GRAMD2B: variants seen among roughly 807,000 people sequenced by gnomAD.
The protein encoded by GRAMD2B is GRAM domain-containing protein 2B.
GRAMD2B carries 41 observed loss-of-function variants against 59.2 expected under a neutral mutation model. That is an observed-to-expected ratio of 0.69 (90% confidence interval 0.54 to 0.90). The LOEUF (loss-of-function observed/expected upper bound fraction) is 0.90. Among genes scored for constraint, GRAMD2B ranks in the 40% least tolerant of loss-of-function variants. The pLI, the probability that GRAMD2B is intolerant of heterozygous loss-of-function variation, is 0.00. For synonymous variants in GRAMD2B, 161 were observed against 182.7 expected (o/e 0.88, Z 0.96); for missense variants, 424 against 500.5 (o/e 0.85, Z 1.46).
intron 1 of GRAMD2B, among the ~76,000 whole-genome samples, chr5:126,364,413 ATATC>A (rs1190872782): frequency 2.0e-5 from 3 of 152,238 alleles, no homozygotes; most frequent in African/African-American, 4.8e-5. Context: ...CTCAGAGTAA[ATATC>A]TATCTAATTA....
Position 126,488,845 on chromosome 5 carries a change from G to C in GRAMD2B, c.1210G>C (p.Glu404Gln). 1 of 1,613,892 alleles carries C rather than the reference G, an allele frequency of 6.2e-7. No individual in the cohort carries two copies. Among genetic ancestry groups the C allele is most frequent in the Non-Finnish European group, 8.5e-7 (1 of 1,179,856 alleles). Residue 404 changes from glutamate to glutamine, a missense_variant, in exon 13 of 14, where the codon GAG becomes CAG. Physicochemically the swap from Glu to Gln is conservative, Grantham distance 29. Coordinates refer to ENST00000285689, the MANE Select transcript of GRAMD2B (RefSeq NM_023927.4). ...GAGGTCACAAGTACAATTCAATGTG[G>C]AGGTTCTCTGTCAAGAGCTTACAGC... ...GLRSQVQFNV[E>Q]VLCQELTANI...
At chr5:126,487,651 A>T (rs1452649796) in intron 12 of GRAMD2B, among the ~76,000 whole-genome samples, 1 of 152,242 alleles carries the variant, frequency 6.6e-6, no homozygotes, top group African/African-American at 2.4e-5. Context: ...TATTCACCAC[A>T]TGCTGAAGGC....
At chr5:126,480,335 TC>T in intron 6 of GRAMD2B, 120 bp from the exon 7 acceptor site, 1 of 636,388 alleles carries the variant, frequency 1.6e-6, no homozygotes, top group East Asian at 2.7e-5. Context: ...AGAATATAGA[TC>T]AAAGAGAGGT....
chr5:126,414,864 A>T (rs1759125514), intron 1 of GRAMD2B, among the ~76,000 whole-genome samples: 1 of 152,128 alleles, frequency 6.6e-6, no homozygotes, highest in African/African-American at 2.4e-5. Context: ...GACTTCAATA[A>T]CTACCCTCTC....
At chr5:126,420,154 A>T (rs973725723), upstream of GRAMD2B, among the ~76,000 whole-genome samples, 2 of 152,162 alleles carry the variant, frequency 1.3e-5, no homozygotes, top group African/African-American at 4.8e-5. Context: ...GAAGAAAAAT[A>T]ATGTCTCTTA....
rs183337722 is a variant in GRAMD2B, at chr5:126,406,686, C to A, written c.125+35119C>A. Among the ~76,000 whole-genome samples, 380 of 152,094 alleles carry A rather than the reference C, an allele frequency of 2.5e-3. 1 individual carries two copies. Among genetic ancestry groups the A allele is most frequent in the African/African-American group, 8.2e-3 (340 of 41,526 alleles). On this transcript the variant is annotated intron_variant, in intron 1 of 8. Transcript: ENST00000506445. ...GGAGGTTTAGTAACCCCTGGATACCCAAGGCTTTAAAGAATTGGTTCACTG... is the reference window on the plus strand; with the variant it reads ...GGAGGTTTAGTAACCCCTGGATACCAAAGGCTTTAAAGAATTGGTTCACTG...
At chr5:126,468,035 C>T (rs189477367) in intron 2 of GRAMD2B, among the ~76,000 whole-genome samples, 4 of 152,230 alleles carry the variant, frequency 2.6e-5, no homozygotes, top group East Asian at 3.9e-4. Context: ...TTAACTGAAC[C>T]TCATTTTAAG....
At chr5:126,380,878 T>A (rs1755602427) in intron 1 of GRAMD2B, among the ~76,000 whole-genome samples, 1 of 152,150 alleles carries the variant, frequency 6.6e-6, no homozygotes, top group Non-Finnish European at 1.5e-5. Context: ...TTTACCCATT[T>A]GGATGCTTTT....
At chr5:126,395,358 T>C (rs990779996) in intron 1 of GRAMD2B, among the ~76,000 whole-genome samples, 2 of 152,202 alleles carry the variant, frequency 1.3e-5, no homozygotes, top group Non-Finnish European at 1.5e-5. Flanking sequence ...ATTAAACAAC[T>C]ATGGTCTGAG....
chr5:126,415,403 C>T (rs1759182541), intron 1 of GRAMD2B, among the ~76,000 whole-genome samples: 5 of 152,114 alleles, frequency 3.3e-5, no homozygotes, highest in Non-Finnish European at 7.3e-5. Context: ...TGCAAACTCA[C>T]TTATAGCAAT....
chr5:126,388,762 A>G (rs1756427070), intron 1 of GRAMD2B, among the ~76,000 whole-genome samples: 1 of 151,164 alleles, frequency 6.6e-6, no homozygotes, highest in Non-Finnish European at 1.5e-5. Context: ...TTCTTAAGAG[A>G]AAAAAAACCT....
intron 1 of GRAMD2B, among the ~76,000 whole-genome samples, chr5:126,393,567 G>A (rs1181694089): frequency 6.6e-6 from 1 of 152,238 alleles, no homozygotes; most frequent in East Asian, 1.9e-4. Flanking sequence ...AAGGCATGTG[G>A]AAACCCAACT....
At chr5:126,451,054 T>C (rs2126679171) in intron 1 of GRAMD2B, among the ~76,000 whole-genome samples, 2 of 152,312 alleles carry the variant, frequency 1.3e-5, no homozygotes, top group East Asian at 3.9e-4. Context: ...TGGTAGAGCC[T>C]CTGGCAGCTT....
At chr5:126,483,774 T>C (rs1202658261) in intron 9 of GRAMD2B, 200 bp downstream of exon 9, 6 of 538,058 alleles carry the variant, frequency 1.1e-5, no homozygotes, top group Non-Finnish European at 2.0e-5. Context: ...AAAAATTCAT[T>C]TGCTTTTATG....
At chr5:126,492,372 A>G (rs1216152938) in intron 13 of GRAMD2B, among the ~76,000 whole-genome samples, 1 of 145,576 alleles carries the variant, frequency 6.9e-6, no homozygotes, top group Non-Finnish European at 1.5e-5. Context: ...TGACATTTTC[A>G]TCTTTCTGCC....
chr5:126,381,354 C>T (rs4615294), intron 1 of GRAMD2B, among the ~76,000 whole-genome samples: 139,078 of 152,174 alleles, frequency 0.91, 64,050 homozygotes, highest in East Asian at 1. Flanking sequence ...TATTGGTCTG[C>T]AGTTTTCTTT....
At chr5:126,414,940 C>T (rs6595703) in intron 1 of GRAMD2B, among the ~76,000 whole-genome samples, 118,376 of 152,068 alleles carry the variant, frequency 0.78, 46,736 homozygotes, top group Non-Finnish European at 0.84. Flanking sequence ...AAAGTCTCCC[C>T]TACCCCATTT....
chr5:126,439,481 C>G (rs555967279), intron 1 of GRAMD2B, among the ~76,000 whole-genome samples: 15 of 151,942 alleles, frequency 9.9e-5, no homozygotes, highest in African/African-American at 2.7e-4. Flanking sequence ...CACGTGCCAC[C>G]ATGCCCAAAA....
chr5:126,374,481 G>T (rs529572192), intron 1 of GRAMD2B, among the ~76,000 whole-genome samples: 1 of 152,166 alleles, frequency 6.6e-6, no homozygotes, highest in African/African-American at 2.4e-5. Context: ...GTTATGTGTT[G>T]CAAGTATTTT....
Sources: allele counts gnomAD v4.1 joint callset (sites outside exome capture counted in the v4.1 genomes callset), GRCh38; gene constraint gnomAD v4.1.1; transcripts MANE v1.5; gene names NCBI Gene and HGNC (gene_info 2026-07-23, HGNC 2026-07-21).